The following CREB3L2 variants were observed in gnomAD, a reference collection of about 807,000 sequenced individuals.
CREB3L2 encodes the protein cyclic AMP-responsive element-binding protein 3-like protein 2.
A neutral mutation model predicts 57.2 loss-of-function variants in CREB3L2; 23 were observed. The ratio of observed to expected loss-of-function variants is 0.40; its 90% confidence interval spans 0.29 to 0.57. The LOEUF (loss-of-function observed/expected upper bound fraction) is 0.57. Among genes scored for constraint, CREB3L2 ranks in the 20% least tolerant of loss-of-function variants. The pLI is 0.42. For synonymous variants in CREB3L2, 268 were observed against 265.1 expected, an observed-to-expected ratio of 1.01 and a Z score of -0.11; for missense variants, 628 against 634.7, an observed-to-expected ratio of 0.99 and a Z score of 0.11.
At chr7:137,922,384 G>GTATGTATA (rs1554497998) in intron 2 of CREB3L2, among the ~76,000 whole-genome samples, 2 of 19,582 alleles carry the variant, frequency 1.0e-4, no homozygotes, top group Non-Finnish European at 1.7e-4. Flanking sequence ...ATATATATAT[G>GTATGTATA]TATATATATA....
chr7:137,913,574 G>C (rs988704661), intron 3 of CREB3L2, among the ~76,000 whole-genome samples: 3 of 148,978 alleles, frequency 2.0e-5, no homozygotes, highest in Non-Finnish European at 4.5e-5. Flanking sequence ...AAAGTTGAAA[G>C]CCAAATGCTC....
At chr7:137,997,832 A>G (rs1343459051) in intron 1 of CREB3L2, among the ~76,000 whole-genome samples, 1 of 152,230 alleles carries the variant, frequency 6.6e-6, no homozygotes, top group Admixed American at 6.5e-5. Context: ...TACAAATGGC[A>G]GAAATGTCCA....
chr7:137,887,712 GAA>G (rs373429809), intron 8 of CREB3L2, among the ~76,000 whole-genome samples: 4 of 143,654 alleles, frequency 2.8e-5, no homozygotes, highest in African/African-American at 1.0e-4. Context: ...CCGTCTCAAA[GAA>G]AAAAAAAAAA....
intron 2 of CREB3L2, among the ~76,000 whole-genome samples, chr7:137,921,550 C>T (rs1418394404): frequency 6.6e-6 from 1 of 152,124 alleles, no homozygotes; most frequent in African/African-American, 2.4e-5. Flanking sequence ...CATCAAAATG[C>T]AGATCTTCCA....
intron 2 of CREB3L2, among the ~76,000 whole-genome samples, chr7:137,922,941 G>T (rs572461718): frequency 2.6e-5 from 4 of 152,072 alleles, no homozygotes; most frequent in Non-Finnish European, 5.9e-5. Flanking sequence ...GGAAGCTGGG[G>T]AAAGGGGCAA....
chr7:137,920,099 T>G (rs1156238790), intron 2 of CREB3L2, among the ~76,000 whole-genome samples: 1 of 152,194 alleles, frequency 6.6e-6, no homozygotes, highest in Admixed American at 6.5e-5. Flanking sequence ...ACCCTTATTA[T>G]GTAAATAAGT....
At chr7:137,978,822 C>A (rs17169471) in intron 1 of CREB3L2, among the ~76,000 whole-genome samples, 2 of 152,038 alleles carry the variant, frequency 1.3e-5, no homozygotes, top group Non-Finnish European at 2.9e-5. Flanking sequence ...GCACAGAGTG[C>A]GGCTCAGGAA....
At position 138,002,081 on chromosome 7, in the gene CREB3L2, G is replaced by A. The variant is rs150716902; in HGVS notation, c.-376C>T. On this transcript the variant is annotated 5_prime_UTR_variant, in exon 1 of 12. Coordinates refer to ENST00000330387, the MANE Select transcript of CREB3L2 (RefSeq NM_194071.4). ...ACTTTGAGGGACCCCAGGGCTCCTC[G>A]GCTCTGCTCCAGGACCCAGCTGCGG... 7.5e-6 allele frequency: 2 copies of A among 267,608 alleles called. No individual in the cohort carries two copies. The highest frequency in any genetic ancestry group is 2.2e-5 in the African/African-American group (1 of 46,270). The allele number at this position is 267,608 out of a possible 1,614,324, so 16.6% of individuals were successfully genotyped here.
At chr7:137,947,062 G>A (rs1375159875) in intron 1 of CREB3L2, among the ~76,000 whole-genome samples, 4 of 138,318 alleles carry the variant, frequency 2.9e-5, no homozygotes, top group South Asian at 2.2e-4. Context: ...GAGTCCCACC[G>A]AAATCCAAAT....
At chr7:137,899,313 G>T (rs1002994284) in intron 8 of CREB3L2, among the ~76,000 whole-genome samples, 12 of 152,270 alleles carry the variant, frequency 7.9e-5, no homozygotes, top group Admixed American at 3.9e-4. Flanking sequence ...CCCAGGGAAG[G>T]CCTGACACGG....
Position 137,892,362 on chromosome 7 carries a change from AC to A in CREB3L2, c.1044-6861del, listed in dbSNP as rs1314680587. The stretch of plus-strand genomic sequence containing the variant: ...TGCACACAATTAAAAAAAAAAAAAA[AC>A]AACTTGGTCAGGCACGGTAGCTCAT... On this transcript the variant is annotated intron_variant, in intron 8 of 11. Transcript: ENST00000330387. 4.0e-5 allele frequency among the ~76,000 whole-genome samples: 6 copies of A among 151,228 alleles called. No individual in the cohort carries two copies. The East Asian group carries it at 5.9e-4, about 15-fold the overall frequency.
At chr7:137,960,617 C>G (rs1295905506) in intron 1 of CREB3L2, among the ~76,000 whole-genome samples, 2 of 152,110 alleles carry the variant, frequency 1.3e-5, no homozygotes, top group Admixed American at 6.5e-5. Flanking sequence ...TCAATTACCT[C>G]TGGCTCTAAA....
At chr7:137,882,676 T>C in intron 10 of CREB3L2, 48 bp from the exon 11 acceptor site, 2 of 1,301,390 alleles carry the variant, frequency 1.5e-6, no homozygotes, top group Non-Finnish European at 2.1e-6. Context: ...ACCACAGGGG[T>C]CCAACACATT....
chr7:137,932,358 G>C (rs1800666497), intron 1 of CREB3L2, among the ~76,000 whole-genome samples: 1 of 151,982 alleles, frequency 6.6e-6, no homozygotes, highest in South Asian at 2.1e-4. Context: ...TGGTTTAAAG[G>C]CATAAATAAA....
rs193025203 is a variant in CREB3L2, at chr7:137,964,187, G to T, written c.103-35821C>A. On this transcript the variant is annotated intron_variant, in intron 1 of 11. Transcript: ENST00000330387. ...AAAAATTAGCCAGGCGTGGTGGCAG[G>T]CACCTGCAATCCCAGCTACTTGGGA... 5.6e-3 allele frequency among the ~76,000 whole-genome samples: 858 copies of T among 152,184 alleles called. 8 individuals are homozygous for T. Among genetic ancestry groups the T allele is most frequent in the African/African-American group, 0.02 (825 of 41,520 alleles).
chr7:137,900,632 TA>T (rs77569914), intron 8 of CREB3L2, among the ~76,000 whole-genome samples: 569 of 137,884 alleles, frequency 4.1e-3, no homozygotes, highest in Middle Eastern at 3.6e-3. Flanking sequence ...CCATCTCTAC[TA>T]AAAAAAAAAA....
intron 1 of CREB3L2, among the ~76,000 whole-genome samples, chr7:137,994,535 A>G (rs4732277): frequency 0.89 from 136,094 of 152,210 alleles, 61,386 homozygotes; most frequent in South Asian, 0.98. Context: ...AGACATAGCC[A>G]TAATCTCCTC....
intron 4 of CREB3L2, among the ~76,000 whole-genome samples, chr7:137,910,124 G>A (rs1022528801): frequency 2.6e-5 from 4 of 152,118 alleles, no homozygotes; most frequent in African/African-American, 4.8e-5. Flanking sequence ...CAGAGAGGAT[G>A]AGCAGCAATC....
Position 137,928,191 on chromosome 7 carries a change from G to C in CREB3L2, c.278C>G (p.Ser93Trp), listed in dbSNP as rs756310062. 6 of 1,597,326 alleles carry C rather than the reference G, an allele frequency of 3.8e-6. No homozygotes were observed. The highest frequency in any genetic ancestry group is 5.1e-6 in the Non-Finnish European group (6 of 1,170,874). Residue 93 changes from serine to tryptophan, a missense_variant, in exon 2 of 12, where the codon TCG becomes TGG. Around this residue, in one of 3 missense-constraint regions of CREB3L2, gnomAD observed 339 missense variants for 355.4 expected, o/e 0.95. Transcript: ENST00000330387. ...YSLCEEPRAQSPFTHITTSDS... is the reference protein window; with the variant it reads ...YSLCEEPRAQWPFTHITTSDS... ...ACTGGTGGTAATGTGGGTGAAGGGC[G>C]ACTGGGCCCGAGGCTCCTCGCACAG...
Sources: gnomAD v4.1 joint callset for allele counts (sites outside exome capture counted in the v4.1 genomes callset) on GRCh38, gnomAD v4.1.1 for gene constraint, gnomAD v4.1.1 regional missense constraint, MANE v1.5 for transcripts, NCBI Gene and HGNC (gene_info 2026-07-23, HGNC 2026-07-21) for gene names.